Variants in IRF2 observed in about 807,000 individuals in gnomAD.
IRF2 encodes the protein interferon regulatory factor 2.
IRF2 carries 15 observed loss-of-function variants against 40.6 expected under a neutral mutation model. The observed-to-expected ratio is 0.37, with a 90% CI of 0.25 to 0.57. IRF2 has a LOEUF of 0.57. IRF2 is among the 20% of genes least tolerant of loss of function. The pLI is 0.77. For missense variants in IRF2, 317 were observed against 455.7 expected, an observed-to-expected ratio of 0.70 and a Z score of 2.77; for synonymous variants, 151 against 165.5, an observed-to-expected ratio of 0.91 and a Z score of 0.67.
intron 1 of IRF2, among the ~76,000 whole-genome samples, chr4:184,458,868 G>T (rs1387417456): frequency 3.3e-5 from 5 of 152,176 alleles, no homozygotes; most frequent in Non-Finnish European, 7.3e-5. Context: ...TATGGCTCTT[G>T]TAAGAACAAA....
intron 1 of IRF2, among the ~76,000 whole-genome samples, chr4:184,447,746 G>A (rs1367641857): frequency 6.6e-5 from 10 of 152,176 alleles, no homozygotes; most frequent in African/African-American, 2.2e-4. Context: ...AACCAGAAAC[G>A]TCAACAAGCC....
At chr4:184,469,254 C>G (rs1386882284) in intron 1 of IRF2, among the ~76,000 whole-genome samples, 1 of 152,164 alleles carries the variant, frequency 6.6e-6, no homozygotes, top group East Asian at 1.9e-4. Context: ...ACGGAGCCGG[C>G]CAGCCTGTCC....
In IRF2 at chr4:184,448,548, C is replaced by T. The variant is rs918306508; in HGVS notation, c.-6-19478G>A. 3.9e-5 allele frequency: 6 copies of T among 152,186 alleles called. No individual in the cohort carries two copies. Among genetic ancestry groups the T allele is most frequent in the African/African-American group, 1.4e-4 (6 of 41,442 alleles). 9.4% of individuals were successfully genotyped at this position (152,186 alleles called of 1,614,324 possible). A position where few individuals can be genotyped will look rare whatever the true frequency, so the allele number is the denominator to read the frequency against. On this transcript the variant is annotated intron_variant, in intron 1 of 8. Transcript: ENST00000393593. The surrounding 1 kb of genome is among the most constrained non-coding windows in gnomAD (Gnocchi z 4.3). ...CTCAGATTTAGGCGCCAAAGATTTA[C>T]CTCCAGCCAAACTTCTGTGCTAATT...
In IRF2 at chr4:184,398,908, C is replaced by T. The variant is rs375169477; in HGVS notation, c.694+7G>A. 3.7e-5 allele frequency: 59 copies of T among 1,591,770 alleles called. No homozygotes were observed. The highest frequency in any genetic ancestry group is 1.7e-4 in the Middle Eastern group (1 of 5,802). On this transcript the variant is annotated splice_region_variant and intron_variant, in intron 7 of 8. Transcript: ENST00000393593. ...CACGCCTCCCGGAGCCTCCCGCTGA[C>T]GCTTACCTGCATAGGAAGACACGGG...
At chr4:184,447,037 C>T (rs577922669) in intron 1 of IRF2, among the ~76,000 whole-genome samples, 1 of 152,108 alleles carries the variant, frequency 6.6e-6, no homozygotes, top group Admixed American at 6.5e-5. Flanking sequence ...ACTAAAAGGG[C>T]CTGGGAACAG....
chr4:184,399,187 CA>C, intron 6 of IRF2, 108 bp from the exon 7 acceptor site: 1 of 1,129,042 alleles, frequency 8.9e-7, no homozygotes. Flanking sequence ...AGGCTCCCAT[CA>C]CCATCTGTCC....
intron 6 of IRF2, among the ~76,000 whole-genome samples, chr4:184,406,572 AC>A (rs1384964964): frequency 6.6e-6 from 1 of 152,170 alleles, no homozygotes; most frequent in African/African-American, 2.4e-5. Context: ...TATCTGAAGC[AC>A]AATAAAATAT....
Position 184,388,645 on chromosome 4 carries a change from G to A in IRF2, c.*113C>T, listed in dbSNP as rs1736138965. 1 of 1,114,138 alleles carries A rather than the reference G, an allele frequency of 9.0e-7. No homozygotes were observed. 69.0% of individuals were successfully genotyped at this position (1,114,138 alleles called of 1,614,324 possible). ...CAGCAATCAATGTTCTATTGTCAAGGCTTTTTCCCTTAGATTTGTCTAAAA... is the reference window on the plus strand; with the variant it reads ...CAGCAATCAATGTTCTATTGTCAAGACTTTTTCCCTTAGATTTGTCTAAAA... On this transcript the variant is annotated 3_prime_UTR_variant, in exon 9 of 9. Coordinates refer to ENST00000393593, the MANE Select transcript of IRF2 (RefSeq NM_002199.4). This position sits in a 1 kb window ranked among gnomAD's most constrained non-coding sequence, Gnocchi z 4.6.
At chr4:184,464,980 T>C (rs1739272074) in intron 1 of IRF2, among the ~76,000 whole-genome samples, 1 of 152,102 alleles carries the variant, frequency 6.6e-6, no homozygotes, top group Non-Finnish European at 1.5e-5. Context: ...AGGGTCAAGG[T>C]TTAGGGGCCT....
chr4:184,428,401 C>G (rs1174846589), intron 2 of IRF2, among the ~76,000 whole-genome samples: 1 of 152,172 alleles, frequency 6.6e-6, no homozygotes, highest in Non-Finnish European at 1.5e-5. Flanking sequence ...AAGCAAGGAG[C>G]TTTCCAAAAA....
At chr4:184,466,529 T>A (rs1185982711) in intron 1 of IRF2, among the ~76,000 whole-genome samples, 1 of 152,164 alleles carries the variant, frequency 6.6e-6, no homozygotes, top group Non-Finnish European at 1.5e-5. Flanking sequence ...ATGTATTATT[T>A]CAAGAGTTTA....
At chr4:184,391,938 G>A (rs1412626400) in intron 7 of IRF2, among the ~76,000 whole-genome samples, 1 of 152,186 alleles carries the variant, frequency 6.6e-6, no homozygotes, top group African/African-American at 2.4e-5. Flanking sequence ...CATGGGAAAG[G>A]CCTAGCAAGG....
chr4:184,453,272 A>T (rs1017068454), intron 1 of IRF2, among the ~76,000 whole-genome samples: 1 of 152,236 alleles, frequency 6.6e-6, no homozygotes, highest in Admixed American at 6.5e-5. Context: ...ACTGACTTTT[A>T]AAAGTATTTT....
chr4:184,430,202 G>A (rs955201203), intron 1 of IRF2, among the ~76,000 whole-genome samples: 4 of 151,744 alleles, frequency 2.6e-5, no homozygotes, highest in South Asian at 4.2e-4. Context: ...TATTCCCTGC[G>A]CCCAGAACAT....
At chr4:184,393,227 T>G (rs1736321747) in intron 7 of IRF2, among the ~76,000 whole-genome samples, 1 of 152,236 alleles carries the variant, frequency 6.6e-6, no homozygotes, top group Non-Finnish European at 1.5e-5. Flanking sequence ...TTCCAGGGCC[T>G]GTGCACTGCA....
In IRF2 at chr4:184,474,355, C is replaced by T. The variant is rs1242621544; in HGVS notation, c.-7+24G>A. The stretch of plus-strand genomic sequence containing the variant: ...CCCTCGAGAGAAACACACACAGTCA[C>T]AACTATTATTTGAAAAATGTTACCT... On this transcript the variant is annotated intron_variant, in intron 1 of 8. Coordinates refer to ENST00000393593, the MANE Select transcript of IRF2 (RefSeq NM_002199.4). The surrounding 1 kb of genome is among the most constrained non-coding windows in gnomAD (Gnocchi z 5.6). 6.6e-6 allele frequency: 1 copy of T among 152,510 alleles called. No homozygotes were observed. The highest frequency in any genetic ancestry group is 1.5e-5 in the Non-Finnish European group (1 of 68,254). 9.4% of individuals were successfully genotyped at this position (152,510 alleles called of 1,614,324 possible).
At position 184,388,876 on chromosome 4, in the gene IRF2, A is replaced by G. The variant is rs1736149269; in HGVS notation, c.932T>C (p.Leu311Pro). 6.2e-7 allele frequency: 1 copy of G among 1,613,486 alleles called. No individual in the cohort carries two copies. The highest frequency in any genetic ancestry group is 1.3e-5 in the African/African-American group (1 of 74,698). The change falls in exon 9 of 9, where the codon CTC becomes CCC. Residue 311 changes from leucine to proline, a missense_variant. Transcript: ENST00000393593. The surrounding 1 kb of genome is among the most constrained non-coding windows in gnomAD (Gnocchi z 4.6). ...TGGGGTCATGGAGGAAGAAAGGGGG[A>G]GGTCTTGAAAAGGGGGCCAGGAGCT... ...YNSSWPPFQD[L>P]PLSSSMTPAS...
At chr4:184,420,508 C>A (rs1331069814) in intron 2 of IRF2, among the ~76,000 whole-genome samples, 4 of 152,194 alleles carry the variant, frequency 2.6e-5, no homozygotes, top group African/African-American at 9.7e-5. Context: ...TCTGGAGAAA[C>A]ATCCCTCAAT....
Position 184,474,384 on chromosome 4 carries a change from A to T in IRF2, c.-12T>A, listed in dbSNP as rs1739648160. On this transcript the variant is annotated 5_prime_UTR_variant, in exon 1 of 9. Transcript: ENST00000393593. The surrounding 1 kb of genome is among the most constrained non-coding windows in gnomAD (Gnocchi z 5.6). ...TATTATTTGAAAAATGTTACCTCTC[A>T]GTGTGCTTTTTTCACGCTACCAATA... is the stretch of plus-strand genomic sequence containing the variant. 1 of 152,322 alleles carries T rather than the reference A, an allele frequency of 6.6e-6. No homozygotes were observed. Among genetic ancestry groups the T allele is most frequent in the Non-Finnish European group, 1.5e-5 (1 of 68,096 alleles). The allele number at this position is 152,322 out of a possible 1,614,324, so 9.4% of individuals were successfully genotyped here. A position where few individuals can be genotyped will look rare whatever the true frequency, so the allele number is the denominator to read the frequency against.
Sources: gnomAD v4.1 joint callset for allele counts (sites outside exome capture counted in the v4.1 genomes callset) on GRCh38, gnomAD v4.1.1 for gene constraint, Gnocchi (gnomAD v3.1) non-coding constraint, MANE v1.5 for transcripts, NCBI Gene and HGNC (gene_info 2026-07-23, HGNC 2026-07-21) for gene names.